The following CEP44 variants were observed in gnomAD, a reference collection of about 807,000 sequenced individuals.
CEP44 encodes the protein centrosomal protein 44.
In CEP44, 45 loss-of-function variants were observed where a neutral mutation model predicts 46.7. The observed-to-expected ratio is 0.96, with a 90% CI of 0.76 to 1.24. The LOEUF (loss-of-function observed/expected upper bound fraction) is 1.24. Among genes scored for constraint, CEP44 ranks in the 50% most tolerant of loss-of-function variants. The pLI, the probability that CEP44 is intolerant of heterozygous loss-of-function variation, is 0.00. For synonymous variants in CEP44, 142 were observed against 146.0 expected, an observed-to-expected ratio of 0.97 and a Z score of 0.20; for missense variants, 475 against 459.7, an observed-to-expected ratio of 1.03 and a Z score of -0.30.
At chr4:174,315,658 G>A (rs1741588864) in intron 9 of CEP44, among the ~76,000 whole-genome samples, 1 of 151,676 alleles carries the variant, frequency 6.6e-6, no homozygotes, top group Non-Finnish European at 1.5e-5. Context: ...AAAAGAATAC[G>A]GTGAAACCCT....
downstream of CEP44, among the ~76,000 whole-genome samples, chr4:174,321,590 C>A (rs186328932): frequency 3.4e-3 from 515 of 152,122 alleles, 2 homozygotes; most frequent in Middle Eastern, 0.017. Flanking sequence ...TAGTTTTTTA[C>A]TTTTAATTAT....
At chr4:174,323,179 G>A (rs1742437979), downstream of CEP44, among the ~76,000 whole-genome samples, 1 of 151,846 alleles carries the variant, frequency 6.6e-6, no homozygotes, top group African/African-American at 2.4e-5. Context: ...AGATATCACA[G>A]GAAATTAAAA....
Position 174,331,518 on chromosome 4 carries a change from A to C in CEP44, c.1123A>C (p.Ser375Arg). 1 of 1,551,582 alleles carries C rather than the reference A, an allele frequency of 6.4e-7. No individual in the cohort carries two copies. Residue 375 changes from serine to arginine, a missense_variant, in exon 9 of 9, where the codon AGT becomes CGT. Ser to Arg is a moderately radical substitution (Grantham distance 110, BLOSUM62 -1). Transcript: ENST00000426172. The surrounding 1 kb of genome is among the most constrained non-coding windows in gnomAD (Gnocchi z 4.5). The stretch of plus-strand genomic sequence containing the variant: ...ATGGAGTGCTACATCCTCTTGTTCC[A>C]GTCTCAGCTGGCTGCTCCGTGGGCA...
At chr4:174,296,884 A>T (rs562454392) in intron 1 of CEP44, among the ~76,000 whole-genome samples, 1 of 147,722 alleles carries the variant, frequency 6.8e-6, no homozygotes, top group South Asian at 2.1e-4. Context: ...TTTGTTTCAT[A>T]TATCTTGACA....
intron 9 of CEP44, among the ~76,000 whole-genome samples, chr4:174,315,100 T>A (rs1327836520): frequency 6.6e-6 from 1 of 152,174 alleles, no homozygotes; most frequent in Non-Finnish European, 1.5e-5. Context: ...AGACTGTGGC[T>A]CTATGAGAGA....
At chr4:174,321,638 A>G (rs2126689346), downstream of CEP44, among the ~76,000 whole-genome samples, 1 of 152,206 alleles carries the variant, frequency 6.6e-6, no homozygotes, top group African/African-American at 2.4e-5. Context: ...CTGCATACAT[A>G]TTTGTTTTTC....
chr4:174,289,238 T>A (rs1737889562), intron 1 of CEP44, among the ~76,000 whole-genome samples: 1 of 152,048 alleles, frequency 6.6e-6, no homozygotes, highest in South Asian at 2.1e-4. Context: ...TGTATTTGTC[T>A]GGCTTTGGTA....
At position 174,299,163 on chromosome 4, in the gene CEP44, A is replaced by T. The variant is rs1387453893; in HGVS notation, c.42A>T (p.Glu14Asp). The change falls in exon 3 of 12, where the codon GAA (glutamate) becomes GAT (aspartate). Residue 14 changes from glutamate to aspartate, a missense_variant. By Grantham distance (45) the Glu-to-Asp change is conservative. Transcript: ENST00000503780. ...TAAAAAGAAGCTTACGGAACCTAGA[A>T]CAGGTGCTCCGCTTGCTAAATTATC... Reference protein sequence around the residue: ...GDLKRSLRNLEQVLRLLNYPE... With the variant: ...GDLKRSLRNLDQVLRLLNYPE... 2 of 1,613,846 alleles carry T rather than the reference A, an allele frequency of 1.2e-6. No individual in the cohort carries two copies.
At position 174,331,344 on chromosome 4, in the gene CEP44, G is replaced by C; in HGVS notation, c.1087-138G>C. On this transcript the variant is annotated intron_variant, in intron 8 of 8. Transcript: ENST00000426172. The surrounding 1 kb of genome is among the most constrained non-coding windows in gnomAD (Gnocchi z 4.5). ...CTCTTTGTTTGCTTGGTCTTCTTTA[G>C]GCATTATTTTCAGAGTACCTATTAT... The C allele has an allele frequency of 3.7e-6, 3 of 810,074 alleles. No individual in the cohort carries two copies. The highest frequency in any genetic ancestry group is 5.3e-6 in the Non-Finnish European group (3 of 562,146). The allele number at this position is 810,074 out of a possible 1,614,324, so 50.2% of individuals were successfully genotyped here.
At chr4:174,295,342 C>T (rs939888438) in intron 1 of CEP44, among the ~76,000 whole-genome samples, 1 of 150,094 alleles carries the variant, frequency 6.7e-6, no homozygotes, top group African/African-American at 2.5e-5. Context: ...TCCTCACATC[C>T]CAGACGGGGC....
chr4:174,327,632 C>T (rs1731040259), intron 8 of CEP44, among the ~76,000 whole-genome samples: 1 of 151,944 alleles, frequency 6.6e-6, no homozygotes, highest in South Asian at 2.1e-4. Context: ...ACAGAGCCCC[C>T]AAACAGACTC....
intron 1 of CEP44, among the ~76,000 whole-genome samples, chr4:174,294,484 T>C (rs1738615977): frequency 6.6e-6 from 1 of 151,590 alleles, no homozygotes; most frequent in Non-Finnish European, 1.5e-5. Flanking sequence ...TCTCAATCCT[T>C]TCCCCGCCTT....
chr4:174,293,687 G>T (rs140425685), intron 1 of CEP44, among the ~76,000 whole-genome samples: 2,369 of 151,800 alleles, frequency 0.016, 30 homozygotes, highest in East Asian at 0.021. Context: ...CTTTTAGGGG[G>T]TTTTTTTTGT....
downstream of CEP44, among the ~76,000 whole-genome samples, chr4:174,323,168 C>T (rs1163708734): frequency 2.0e-5 from 3 of 151,848 alleles, no homozygotes; most frequent in African/African-American, 7.3e-5. Flanking sequence ...ATATTTATCA[C>T]AGATATCACA....
intron 9 of CEP44, among the ~76,000 whole-genome samples, chr4:174,315,198 T>C (rs1741520969): frequency 6.6e-6 from 1 of 151,980 alleles, no homozygotes; most frequent in African/African-American, 2.4e-5. Flanking sequence ...ACAATAAAGC[T>C]CTCTTTATGT....
Position 174,317,586 on chromosome 4 carries a change from A to C in CEP44, c.*203A>C. On this transcript the variant is annotated 3_prime_UTR_variant, in exon 12 of 12. Coordinates refer to ENST00000503780, the MANE Select transcript of CEP44 (RefSeq NM_001040157.3). ...TGATTATACTGCTTTACCTTGTGTC[A>C]CTTTTTTTTTTTTTAGGAAAAACTC... 3 of 1,105,526 alleles carry C rather than the reference A, an allele frequency of 2.7e-6. No individual in the cohort carries two copies. Among genetic ancestry groups the C allele is most frequent in the Non-Finnish European group, 2.2e-6 (2 of 901,414 alleles). The allele number at this position is 1,105,526 out of a possible 1,614,324, so 68.5% of individuals were successfully genotyped here. A position where few individuals can be genotyped will look rare whatever the true frequency, so the allele number is the denominator to read the frequency against.
Position 174,332,623 on chromosome 4 carries a change from A to T in CEP44, c.*1028A>T, listed in dbSNP as rs372684542. 5.9e-5 allele frequency: 9 copies of T among 152,330 alleles called. No individual in the cohort carries two copies. The East Asian group carries it at 1.2e-3, about 20-fold the overall frequency. The allele number at this position is 152,330 out of a possible 1,614,324, so 9.4% of individuals were successfully genotyped here. A position where few individuals can be genotyped will look rare whatever the true frequency, so the allele number is the denominator to read the frequency against. ...AATGGTCCATATCTTAAAGTGTCAG[A>T]TATTTTATGGGCTTCACATCTGAAC... On this transcript the variant is annotated 3_prime_UTR_variant, in exon 9 of 9. Transcript: ENST00000426172.
At position 174,318,902 on chromosome 4, in the gene CEP44, C is replaced by T. The variant is rs755736169; in HGVS notation, c.*1519C>T. 77 of 271,696 alleles carry T rather than the reference C, an allele frequency of 2.8e-4. No individual in the cohort carries two copies. The highest frequency in any genetic ancestry group is 1.8e-3 in the Middle Eastern group (1 of 548). The allele number at this position is 271,696 out of a possible 1,614,324, so 16.8% of individuals were successfully genotyped here. A position where few individuals can be genotyped will look rare whatever the true frequency, so the allele number is the denominator to read the frequency against. On this transcript the variant is annotated 3_prime_UTR_variant, in exon 12 of 12. Coordinates refer to ENST00000503780, the MANE Select transcript of CEP44 (RefSeq NM_001040157.3). ...TCGGCTCACTGCACCTTCTGCCTACCGAGTTCAAGCGATTCTTGTGCTTCA... is the reference window on the plus strand; with the variant it reads ...TCGGCTCACTGCACCTTCTGCCTACTGAGTTCAAGCGATTCTTGTGCTTCA...
At chr4:174,291,237 T>G (rs1184209894) in intron 1 of CEP44, among the ~76,000 whole-genome samples, 6 of 152,122 alleles carry the variant, frequency 3.9e-5, no homozygotes, top group Admixed American at 3.9e-4. Flanking sequence ...TTGTTTGTTG[T>G]CTTTGTGATT....
Sources: allele counts gnomAD v4.1 joint callset (sites outside exome capture counted in the v4.1 genomes callset), GRCh38; gene constraint gnomAD v4.1.1; non-coding constraint Gnocchi (gnomAD v3.1); transcripts MANE v1.5; gene names NCBI Gene and HGNC (gene_info 2026-07-23, HGNC 2026-07-21).